The following CRADD variants were observed in gnomAD, a reference collection of about 807,000 sequenced individuals.
CRADD encodes the protein CARD and death domain containing adaptor protein, also known as death domain-containing protein CRADD.
Under a neutral mutation model 15.5 loss-of-function variants are expected in CRADD, and 9 were observed. The observed-to-expected ratio is 0.58, with a 90% CI of 0.35 to 1.01. The LOEUF (loss-of-function observed/expected upper bound fraction) is 1.01, where lower values mean the gene tolerates loss of function less well. CRADD is among the 50% of genes least tolerant of loss of function. CRADD has a pLI of 0.02. For synonymous variants in CRADD, 118 were observed against 107.6 expected (o/e 1.10, Z -0.60); for missense variants, 227 against 250.3 (o/e 0.91, Z 0.63).
intron 2 of CRADD, chr12:93,708,908 T>G (rs1956006996): frequency 6.6e-6 from 1 of 152,660 alleles, no homozygotes; most frequent in Non-Finnish European, 1.5e-5. Flanking sequence ...GCAGATTAGG[T>G]GTCTGGTGAG....
At chr12:93,775,409 A>G (rs1957130720) in intron 2 of CRADD, among the ~76,000 whole-genome samples, 1 of 152,234 alleles carries the variant, frequency 6.6e-6, no homozygotes, top group Non-Finnish European at 1.5e-5. Context: ...ATAGGTTTGC[A>G]TTAGGAGGCC....
At chr12:93,808,397 G>A (rs896089516) in intron 2 of CRADD, among the ~76,000 whole-genome samples, 2 of 152,092 alleles carry the variant, frequency 1.3e-5, no homozygotes, top group African/African-American at 4.8e-5. Flanking sequence ...TAGATCTCTC[G>A]AGACTTATTC....
At chr12:93,825,779 G>A (rs1358685150) in intron 2 of CRADD, among the ~76,000 whole-genome samples, 1 of 152,192 alleles carries the variant, frequency 6.6e-6, no homozygotes, top group East Asian at 1.9e-4. Context: ...AGGGCAAGCA[G>A]GATGTCCAGT....
At chr12:93,806,162 CAA>C (rs1158830617) in intron 2 of CRADD, among the ~76,000 whole-genome samples, 1 of 151,900 alleles carries the variant, frequency 6.6e-6, no homozygotes, top group African/African-American at 2.4e-5. Context: ...TTTGAAAAAA[CAA>C]GAGAGGTGGC....
intron 2 of CRADD, among the ~76,000 whole-genome samples, chr12:93,736,315 C>G (rs1416750187): frequency 6.6e-6 from 1 of 152,044 alleles, no homozygotes; most frequent in Non-Finnish European, 1.5e-5. Context: ...GAATAATGTT[C>G]CTATTATTTT....
At chr12:93,742,870 G>A (rs1484489550) in intron 2 of CRADD, among the ~76,000 whole-genome samples, 2 of 152,034 alleles carry the variant, frequency 1.3e-5, no homozygotes, top group South Asian at 4.1e-4. Flanking sequence ...CAGGTTATGC[G>A]CTGGGTCCTT....
At chr12:93,764,824 T>C (rs1443758918) in intron 2 of CRADD, among the ~76,000 whole-genome samples, 6 of 151,988 alleles carry the variant, frequency 3.9e-5, no homozygotes, top group Admixed American at 2.0e-4. Context: ...TTGTGATACA[T>C]TTTTCTGTAA....
At chr12:93,879,467 T>C (rs1433314621) in intron 2 of CRADD, among the ~76,000 whole-genome samples, 2 of 152,210 alleles carry the variant, frequency 1.3e-5, no homozygotes, top group African/African-American at 2.4e-5. Context: ...ACTGGTCTCC[T>C]TTCCTCACCA....
intron 2 of CRADD, among the ~76,000 whole-genome samples, chr12:93,732,696 T>C (rs548025235): frequency 8.5e-5 from 13 of 152,148 alleles, no homozygotes; most frequent in Middle Eastern, 3.2e-3. Context: ...CACTTAGTCG[T>C]TTTTTGAGCT....
chr12:93,841,391 A>G (rs893838559), intron 2 of CRADD, among the ~76,000 whole-genome samples: 1 of 152,190 alleles, frequency 6.6e-6, no homozygotes, highest in African/African-American at 2.4e-5. Context: ...CAACTTACAT[A>G]TGATAGGAAA....
chr12:93,839,254 G>A (rs781066390), intron 2 of CRADD, among the ~76,000 whole-genome samples: 4 of 151,886 alleles, frequency 2.6e-5, no homozygotes, highest in Admixed American at 6.6e-5. Context: ...CCTTTCTTCC[G>A]ACAGTATTAC....
intron 2 of CRADD, among the ~76,000 whole-genome samples, chr12:93,883,205 C>A (rs1024513176): frequency 2.0e-5 from 3 of 152,150 alleles, no homozygotes; most frequent in East Asian, 3.9e-4. Context: ...GAAGATAATA[C>A]AAAAACCCAT....
chr12:93,741,630 T>C (rs1411260361), intron 2 of CRADD, among the ~76,000 whole-genome samples: 1 of 152,198 alleles, frequency 6.6e-6, no homozygotes, highest in Non-Finnish European at 1.5e-5. Flanking sequence ...GGTGTGTGGT[T>C]ATTAATCTGG....
rs1165296835 is a variant in CRADD, at chr12:93,788,241, G to A, written c.299-61729G>A. On this transcript the variant is annotated intron_variant, in intron 2 of 2. Transcript: ENST00000332896. ...GGTGGAAGGCACCTCTTCACAAGGT[G>A]GCAGGAGAGAGAATGAGTACCCAGC... Among the ~76,000 whole-genome samples, 4 of 152,258 alleles carry A rather than the reference G, an allele frequency of 2.6e-5. No individual in the cohort carries two copies. In the South Asian group the frequency reaches 8.3e-4, roughly 32 times the overall value.
intron 2 of CRADD, among the ~76,000 whole-genome samples, chr12:93,727,104 A>G (rs185801454): frequency 1.4e-4 from 21 of 152,324 alleles, no homozygotes; most frequent in African/African-American, 4.3e-4. Context: ...TTCAGACTCC[A>G]CAATTGAAAA....
intron 2 of CRADD, among the ~76,000 whole-genome samples, chr12:93,847,138 G>A (rs1958133792): frequency 6.6e-6 from 1 of 152,082 alleles, no homozygotes; most frequent in Admixed American, 6.5e-5. Flanking sequence ...ATCTGAAAGT[G>A]CAGATGTAGA....
rs572554127 is a variant in CRADD, at chr12:93,761,779, A to G, written c.298+82707A>G. ...TTATGAGCACTAGTTTCATTTCATG[A>G]CAAATAGGAATAGAGAGAAAATTCT... On this transcript the variant is annotated intron_variant, in intron 2 of 2. Transcript: ENST00000332896. Among the ~76,000 whole-genome samples, 148 of 152,322 alleles carry G rather than the reference A, an allele frequency of 9.7e-4. 1 individual carries two copies. The highest frequency in any genetic ancestry group is 1.9e-3 in the Non-Finnish European group (131 of 68,036).
chr12:93,802,341 T>C (rs978954877), intron 2 of CRADD, among the ~76,000 whole-genome samples: 20 of 152,254 alleles, frequency 1.3e-4, no homozygotes, highest in Admixed American at 1.1e-3. Flanking sequence ...ACCACATCCA[T>C]GCCCACATCT....
At chr12:93,786,535 C>T (rs1957279648) in intron 2 of CRADD, among the ~76,000 whole-genome samples, 1 of 152,152 alleles carries the variant, frequency 6.6e-6, no homozygotes, top group African/African-American at 2.4e-5. Flanking sequence ...CAGTTGCTCA[C>T]AGTTTTTAAA....
Sources: allele counts gnomAD v4.1 joint callset (sites outside exome capture counted in the v4.1 genomes callset), GRCh38; gene constraint gnomAD v4.1.1; transcripts MANE v1.5; gene names NCBI Gene and HGNC (gene_info 2026-07-23, HGNC 2026-07-21).